The following PITPNC1 variants were observed in gnomAD, a reference collection of about 807,000 sequenced individuals.
PITPNC1 encodes the protein cytoplasmic phosphatidylinositol transfer protein 1.
PITPNC1 carries 18 observed loss-of-function variants against 44.7 expected under a neutral mutation model. The ratio of observed to expected loss-of-function variants is 0.40; its 90% CI spans 0.28 to 0.60. The LOEUF is 0.60. Among genes scored for constraint, PITPNC1 ranks in the 20% least tolerant of loss-of-function variants. The pLI is 0.39. For missense variants in PITPNC1, 290 were observed against 418.4 expected (o/e 0.69, Z 2.68); for synonymous variants, 141 against 149.6 (o/e 0.94, Z 0.42).
At chr17:67,390,402 T>C (rs987698485) in intron 1 of PITPNC1, among the ~76,000 whole-genome samples, 5 of 152,108 alleles carry the variant, frequency 3.3e-5, no homozygotes, top group Non-Finnish European at 5.9e-5. Context: ...CCATCATGAG[T>C]GGAAGAACCA....
chr17:67,522,675 G>GTTTTTTTTTTTTTTTTTTTTTTTTTTTTT (rs1250669305), intron 1 of PITPNC1, among the ~76,000 whole-genome samples: 1 of 18,220 alleles, frequency 5.5e-5, no homozygotes, highest in African/African-American at 3.8e-4. Flanking sequence ...TTTTTTTTTG[G>GTTTTTTTTTTTTTTTTTTTTTTTTTTTTT]AAAATGAGGT....
At chr17:67,430,414 G>A (rs2038838552) in intron 1 of PITPNC1, among the ~76,000 whole-genome samples, 1 of 151,848 alleles carries the variant, frequency 6.6e-6, no homozygotes, top group Admixed American at 6.6e-5. Flanking sequence ...CTTGAACTCG[G>A]GAGGTGGAGG....
intron 5 of PITPNC1, among the ~76,000 whole-genome samples, chr17:67,599,034 A>ATATATATATATATATATATTT (rs1461493250): frequency 2.8e-5 from 1 of 35,672 alleles, no homozygotes; most frequent in African/African-American, 1.1e-4. Context: ...ATATATATAT[A>ATATATATATATATATATATTT]TTTTTTTTTT....
At position 67,525,913 on chromosome 17, in the gene PITPNC1, A is replaced by C. The variant is rs2040386107; in HGVS notation, c.49-6889A>C. ...CTGGGTAAATATGTGATTTCACGTG[A>C]AATCAGAGGGACAGGTGTTTCTCTG... On this transcript the variant is annotated intron_variant, in intron 1 of 8. Coordinates refer to ENST00000581322, the MANE Select transcript of PITPNC1 (RefSeq NM_012417.4). 2.6e-5 allele frequency among the ~76,000 whole-genome samples: 4 copies of C among 152,220 alleles called. No individual in the cohort carries two copies. The East Asian group carries it at 7.7e-4, about 29-fold the overall frequency.
At chr17:67,581,799 T>A (rs368576577) in intron 5 of PITPNC1, among the ~76,000 whole-genome samples, 1 of 152,166 alleles carries the variant, frequency 6.6e-6, no homozygotes, top group African/African-American at 2.4e-5. Context: ...TTTGGGAGGC[T>A]GAGGTGGGTG....
At chr17:67,639,394 A>G (rs1567753809) in intron 6 of PITPNC1, among the ~76,000 whole-genome samples, 1 of 152,246 alleles carries the variant, frequency 6.6e-6, no homozygotes, top group Non-Finnish European at 1.5e-5. Context: ...TGCCTTTTGA[A>G]TTGATCATCT....
chr17:67,537,978 A>C (rs2040552982), intron 2 of PITPNC1, among the ~76,000 whole-genome samples: 1 of 145,992 alleles, frequency 6.8e-6, no homozygotes, highest in Non-Finnish European at 1.5e-5. Flanking sequence ...TCTCAAAAAG[A>C]AAAAAAAAAA....
intron 1 of PITPNC1, among the ~76,000 whole-genome samples, chr17:67,428,707 G>A (rs2038809432): frequency 1.3e-5 from 2 of 151,946 alleles, no homozygotes; most frequent in African/African-American, 4.8e-5. Context: ...CAGTACAAAG[G>A]TTTTCAAAGT....
At chr17:67,606,565 AC>A (rs2041610957) in intron 5 of PITPNC1, among the ~76,000 whole-genome samples, 1 of 152,156 alleles carries the variant, frequency 6.6e-6, no homozygotes, top group Non-Finnish European at 1.5e-5. Context: ...TAAAGTGAGG[AC>A]CCTTTGCCTG....
intron 1 of PITPNC1, among the ~76,000 whole-genome samples, chr17:67,479,923 G>A (rs539536757): frequency 1.3e-5 from 2 of 152,196 alleles, no homozygotes; most frequent in East Asian, 1.9e-4. Context: ...ATAATTCAGA[G>A]TTGTACAAGC....
rs57827214 is a variant in PITPNC1, at chr17:67,645,343, G to GAA, written c.462+13123_462+13124dup. 6.2e-3 allele frequency among the ~76,000 whole-genome samples: 507 copies of GAA among 81,240 alleles called. 4 individuals are homozygous for GAA. The highest frequency in any genetic ancestry group is 0.018 in the African/African-American group (451 of 24,638). 53.3% of individuals were successfully genotyped at this position (81,240 alleles called of 152,430 possible). ...GCAACAAGAGCGAAACTCCATCTCAGAAAAAAAAAAAAAAAAAAAGAGAAA... is the reference window on the plus strand; with the variant it reads ...GCAACAAGAGCGAAACTCCATCTCAGAAAAAAAAAAAAAAAAAAAAAGAGAAA... On this transcript the variant is annotated intron_variant, in intron 6 of 8. Coordinates refer to ENST00000581322, the MANE Select transcript of PITPNC1 (RefSeq NM_012417.4).
At chr17:67,380,367 G>A (rs937033397) in intron 1 of PITPNC1, among the ~76,000 whole-genome samples, 5 of 152,234 alleles carry the variant, frequency 3.3e-5, no homozygotes, top group Admixed American at 2.6e-4. Flanking sequence ...GAGCCACTGC[G>A]CCCAGCCAGC....
intron 4 of PITPNC1, among the ~76,000 whole-genome samples, chr17:67,559,539 A>C (rs1431621663): frequency 2.0e-5 from 3 of 152,200 alleles, no homozygotes; most frequent in African/African-American, 4.8e-5. Flanking sequence ...AGTTGGGGGC[A>C]CTGATGAGCA....
At chr17:67,531,942 C>T (rs1236767921) in intron 1 of PITPNC1, among the ~76,000 whole-genome samples, 7 of 152,146 alleles carry the variant, frequency 4.6e-5, no homozygotes, top group African/African-American at 1.4e-4. Context: ...TTTGCCACTT[C>T]GAAAGTCCAC....
chr17:67,563,167 C>T lies in PITPNC1; in HGVS notation c.294+9550C>T, dbSNP rs536004804. 5.3e-5 allele frequency among the ~76,000 whole-genome samples: 8 copies of T among 152,284 alleles called. 1 individual carries two copies. The South Asian group carries it at 1.7e-3, about 32-fold the overall frequency. On this transcript the variant is annotated intron_variant, in intron 4 of 8. Coordinates refer to ENST00000581322, the MANE Select transcript of PITPNC1 (RefSeq NM_012417.4). ...TTATTAATGATCCCATCTTAAGTTGCAATTCCCAGTGTGGCTTTGGAGCAC... is the reference window on the plus strand; with the variant it reads ...TTATTAATGATCCCATCTTAAGTTGTAATTCCCAGTGTGGCTTTGGAGCAC...
At chr17:67,436,750 G>A (rs1207134770) in intron 1 of PITPNC1, among the ~76,000 whole-genome samples, 1 of 151,952 alleles carries the variant, frequency 6.6e-6, no homozygotes, top group East Asian at 1.9e-4. Context: ...TGTGTGGATG[G>A]CTGAGGTAAA....
At chr17:67,470,165 T>A (rs2039497345) in intron 1 of PITPNC1, among the ~76,000 whole-genome samples, 1 of 152,152 alleles carries the variant, frequency 6.6e-6, no homozygotes, top group Non-Finnish European at 1.5e-5. Context: ...TCGAGTGATC[T>A]GCCCACTTTG....
chr17:67,607,682 CTT>C (rs1290357431), intron 5 of PITPNC1, among the ~76,000 whole-genome samples: 1 of 151,852 alleles, frequency 6.6e-6, no homozygotes, highest in Non-Finnish European at 1.5e-5. Flanking sequence ...CCCCAGAACC[CTT>C]TGAGAGTCAT....
chr17:67,474,576 C>A (rs2039598613), intron 1 of PITPNC1, among the ~76,000 whole-genome samples: 1 of 152,136 alleles, frequency 6.6e-6, no homozygotes, highest in Non-Finnish European at 1.5e-5. Context: ...TCAAATGTGC[C>A]CTGGGGAGCA....
Sources: allele counts gnomAD v4.1 joint callset (sites outside exome capture counted in the v4.1 genomes callset), GRCh38; gene constraint gnomAD v4.1.1; transcripts MANE v1.5; gene names NCBI Gene and HGNC (gene_info 2026-07-23, HGNC 2026-07-21).